MYO1D: variants seen among roughly 807,000 people sequenced by gnomAD.
The protein encoded by MYO1D is unconventional myosin-Id.
MYO1D carries 83 observed loss-of-function variants against 122.0 expected under a neutral mutation model. The observed-to-expected ratio is 0.68, with a 90% confidence interval of 0.57 to 0.82. The LOEUF (loss-of-function observed/expected upper bound fraction) is 0.82, where lower values mean the gene tolerates loss of function less well. MYO1D is among the 40% of genes least tolerant of loss of function. MYO1D has a pLI of 0.00. For synonymous variants in MYO1D, 464 were observed against 446.9 expected (o/e 1.04, Z -0.48); for missense variants, 1,157 against 1,269.5 (o/e 0.91, Z 1.35).
chr17:32,688,920 A>AGTGTGTGT (rs3079901), intron 16 of MYO1D, among the ~76,000 whole-genome samples: 31 of 146,560 alleles, frequency 2.1e-4, no homozygotes, highest in African/African-American at 5.7e-4. Flanking sequence ...TGATTTTTGA[A>AGTGTGTGT]GTGTGTGTGT....
intron 19 of MYO1D, among the ~76,000 whole-genome samples, chr17:32,647,048 A>AG (rs1207118862): frequency 1.3e-5 from 2 of 152,194 alleles, no homozygotes; most frequent in African/African-American, 4.8e-5. Context: ...CTTCAACCAA[A>AG]GAAAAAAATC....
At chr17:32,589,400 C>G (rs2087418973) in intron 21 of MYO1D, among the ~76,000 whole-genome samples, 1 of 152,206 alleles carries the variant, frequency 6.6e-6, no homozygotes, top group Admixed American at 6.5e-5. Flanking sequence ...TGATCCAAAG[C>G]CCAAAAATCT....
intron 17 of MYO1D, 64 bp from the exon 18 acceptor site, chr17:32,654,685 T>TC (rs1347259575): frequency 1.7e-4 from 131 of 752,442 alleles, no homozygotes; most frequent in African/African-American, 9.1e-4. Flanking sequence ...TCTCTCTCTC[T>TC]TTTTTTTTTT....
At chr17:32,750,420 T>C (rs1255558241) in intron 11 of MYO1D, among the ~76,000 whole-genome samples, 1 of 151,832 alleles carries the variant, frequency 6.6e-6, no homozygotes, top group Admixed American at 6.6e-5. Flanking sequence ...GAGACCATCC[T>C]GGCTAACACA....
At chr17:32,712,309 C>G in intron 15 of MYO1D, 114 bp from the exon 16 acceptor site, 3 of 923,474 alleles carry the variant, frequency 3.2e-6, no homozygotes, top group Non-Finnish European at 5.0e-6. Flanking sequence ...AGCAAACTAT[C>G]AATAGAATTT....
intron 21 of MYO1D, among the ~76,000 whole-genome samples, chr17:32,570,821 G>T (rs2087219058): frequency 6.6e-6 from 1 of 152,162 alleles, no homozygotes; most frequent in Non-Finnish European, 1.5e-5. Context: ...TGGGTTCTAA[G>T]ACAGGAAACT....
intron 1 of MYO1D, among the ~76,000 whole-genome samples, chr17:32,795,979 T>C (rs1472726251): frequency 6.6e-6 from 1 of 152,108 alleles, no homozygotes; most frequent in Non-Finnish European, 1.5e-5. Flanking sequence ...TAGCGCGCTC[T>C]CGGGGTTCGA....
At chr17:32,720,798 C>T (rs1181050455) in intron 15 of MYO1D, among the ~76,000 whole-genome samples, 1 of 152,132 alleles carries the variant, frequency 6.6e-6, no homozygotes, top group Non-Finnish European at 1.5e-5. Flanking sequence ...TGCTATGATG[C>T]CAGTATTTCC....
intron 21 of MYO1D, among the ~76,000 whole-genome samples, chr17:32,515,667 C>A (rs1178508973): frequency 6.6e-6 from 1 of 152,132 alleles, no homozygotes; most frequent in Non-Finnish European, 1.5e-5. Context: ...TGGATATTTT[C>A]CATCACACTG....
chr17:32,874,304 C>CTGTCTCTCTCTCTGTGTCTCTG (rs1555550659), intron 1 of MYO1D, among the ~76,000 whole-genome samples: 3 of 149,168 alleles, frequency 2.0e-5, no homozygotes, highest in Non-Finnish European at 3.0e-5. Context: ...GTCTCTGTCT[C>CTGTCTCTCTCTCTGTGTCTCTG]TCTCTCTCTC....
At chr17:32,760,196 AC>A in intron 10 of MYO1D, 93 bp downstream of exon 10, 2 of 1,048,378 alleles carry the variant, frequency 1.9e-6, no homozygotes, top group Non-Finnish European at 1.5e-6. Flanking sequence ...TGTTTCAAAT[AC>A]CCCCAAAAGA....
At chr17:32,727,994 T>C (rs1598044680) in intron 14 of MYO1D, among the ~76,000 whole-genome samples, 1 of 152,116 alleles carries the variant, frequency 6.6e-6, no homozygotes, top group African/African-American at 2.4e-5. Flanking sequence ...CAGGAAGATA[T>C]AACAGTTCTA....
chr17:32,745,190 T>C (rs1267137931), intron 13 of MYO1D, 21 bp downstream of exon 13: 1 of 1,277,392 alleles, frequency 7.8e-7, no homozygotes, highest in Non-Finnish European at 1.1e-6. Context: ...CTAGAGTTAA[T>C]TAATAAAATT....
intron 16 of MYO1D, among the ~76,000 whole-genome samples, chr17:32,695,525 T>G (rs2089161031): frequency 6.6e-6 from 1 of 152,210 alleles, no homozygotes; most frequent in South Asian, 2.1e-4. Flanking sequence ...AGTCACAAAC[T>G]GACCACACCA....
chr17:32,774,541 T>C (rs534394748), intron 4 of MYO1D, among the ~76,000 whole-genome samples: 10 of 152,312 alleles, frequency 6.6e-5, no homozygotes, highest in Admixed American at 6.5e-4. Context: ...CCTTATATCC[T>C]GTAATAAAAG....
chr17:32,623,544 G>A (rs2087880586), intron 20 of MYO1D, among the ~76,000 whole-genome samples: 1 of 152,152 alleles, frequency 6.6e-6, no homozygotes, highest in Non-Finnish European at 1.5e-5. Flanking sequence ...TACTACTCTT[G>A]TTTAAGGAAA....
intron 12 of MYO1D, chr17:32,745,831 T>G (rs980606389): frequency 6.5e-6 from 1 of 152,794 alleles, no homozygotes; most frequent in Non-Finnish European, 1.5e-5. Context: ...ATAGATGGTT[T>G]GGAAGGGAGA....
chr17:32,757,001 T>G (rs2089953817), intron 10 of MYO1D, among the ~76,000 whole-genome samples: 2 of 152,142 alleles, frequency 1.3e-5, no homozygotes, highest in Non-Finnish European at 2.9e-5. Flanking sequence ...GATCACACAG[T>G]TTAATCTTGC....
intron 15 of MYO1D, among the ~76,000 whole-genome samples, chr17:32,713,597 CCCTTGATAGATTT>C (rs1405514823): frequency 6.6e-6 from 1 of 152,012 alleles, no homozygotes; most frequent in African/African-American, 2.4e-5. Flanking sequence ...ACCCAAAGCA[CCCTTGATAGATTT>C]AGTGAGTTGG....
Sources: gnomAD v4.1 joint callset for allele counts (sites outside exome capture counted in the v4.1 genomes callset) on GRCh38, gnomAD v4.1.1 for gene constraint, MANE v1.5 for transcripts, NCBI Gene and HGNC (gene_info 2026-07-23, HGNC 2026-07-21) for gene names.